The following IL5RA variants were observed in gnomAD, a reference collection of about 807,000 sequenced individuals.
The protein encoded by IL5RA is interleukin 5 receptor subunit alpha, also known as interleukin-5 receptor subunit alpha.
In IL5RA, 49 loss-of-function variants were observed where a neutral mutation model predicts 50.0. The ratio of observed to expected loss-of-function variants is 0.98; its 90% CI spans 0.78 to 1.24. The LOEUF is 1.24. Ranked by LOEUF, IL5RA falls within the 50% of genes most tolerant of loss-of-function variation. The pLI, the probability that IL5RA is intolerant of heterozygous loss-of-function variation, is 0.00. For missense variants in IL5RA, 600 were observed against 500.4 expected (o/e 1.20, Z -1.90); for synonymous variants, 202 against 174.0 (o/e 1.16, Z -1.26).
At chr3:3,087,113 T>C (rs1702897539) in intron 9 of IL5RA, among the ~76,000 whole-genome samples, 1 of 152,264 alleles carries the variant, frequency 6.6e-6, no homozygotes. Context: ...CTATTCAGTA[T>C]GATGTAAACT....
chr3:3,087,552 T>C (rs17879365), intron 9 of IL5RA, among the ~76,000 whole-genome samples: 130 of 152,298 alleles, frequency 8.5e-4, no homozygotes, highest in African/African-American at 2.5e-3. Context: ...GAGAAAATTG[T>C]ATATTAATAG....
intron 2 of IL5RA, among the ~76,000 whole-genome samples, chr3:3,106,043 T>C (rs1239644717): frequency 6.6e-6 from 1 of 152,114 alleles, no homozygotes; most frequent in East Asian, 1.9e-4. Flanking sequence ...TTATACATGA[T>C]GGAAATCCCT....
intron 9 of IL5RA, among the ~76,000 whole-genome samples, chr3:3,079,224 T>G (rs1282950133): frequency 6.6e-6 from 1 of 152,262 alleles, no homozygotes; most frequent in East Asian, 1.9e-4. Flanking sequence ...TTCCTGGTCC[T>G]GCCTGACACT....
intron 9 of IL5RA, among the ~76,000 whole-genome samples, chr3:3,077,457 G>A (rs1407364878): frequency 6.6e-6 from 1 of 152,116 alleles, no homozygotes; most frequent in African/African-American, 2.4e-5. Context: ...TTTCTTTTAA[G>A]TACTAGAAAG....
intron 3 of IL5RA, 32 bp downstream of exon 3, chr3:3,104,870 TA>T (rs772671343): frequency 7.7e-7 from 1 of 1,307,034 alleles, no homozygotes; most frequent in East Asian, 2.3e-5. Context: ...TTTTTAAAAA[TA>T]AACATTATTG....
chr3:3,071,109 G>T (rs566167740), intron 11 of IL5RA, among the ~76,000 whole-genome samples: 1 of 152,248 alleles, frequency 6.6e-6, no homozygotes, highest in East Asian at 1.9e-4. Flanking sequence ...GCCTGTAAGA[G>T]ATCCTATTCC....
At chr3:3,075,920 A>T (rs1702466111) in intron 10 of IL5RA, among the ~76,000 whole-genome samples, 1 of 152,100 alleles carries the variant, frequency 6.6e-6, no homozygotes, top group African/African-American at 2.4e-5. Context: ...TCATTTTCTA[A>T]ATTATGAAAG....
rs1490325517 is a variant in IL5RA at position 3,092,018 on chromosome 3, C to T, written c.994+206G>A. On this transcript the variant is annotated intron_variant, in intron 9 of 11. Transcript: ENST00000446632. This position sits in a 1 kb window ranked among gnomAD's most constrained non-coding sequence, Gnocchi z 4.2. ...GGCACCAGGTCTAGGAGAGTTGGCGCTAATGAGAAGCCTAGACACTTAAAA... is the reference window on the plus strand; with the variant it reads ...GGCACCAGGTCTAGGAGAGTTGGCGTTAATGAGAAGCCTAGACACTTAAAA... The T allele has an allele frequency of 7.8e-7, 1 of 1,285,424 alleles. No homozygotes were observed. Among genetic ancestry groups the T allele is most frequent in the Admixed American group, 3.8e-5 (1 of 26,454 alleles). 79.6% of individuals were successfully genotyped at this position (1,285,424 alleles called of 1,614,324 possible).
chr3:3,098,567 C>G (rs1193918096), intron 5 of IL5RA, among the ~76,000 whole-genome samples: 1 of 152,078 alleles, frequency 6.6e-6, no homozygotes, highest in Non-Finnish European at 1.5e-5. Flanking sequence ...ACCACCACAC[C>G]TGGCTAATTT....
At chr3:3,105,135 C>G in intron 2 of IL5RA, 148 bp from the exon 3 acceptor site, 1 of 583,564 alleles carries the variant, frequency 1.7e-6, no homozygotes, top group Non-Finnish European at 3.2e-6. Flanking sequence ...CAAACATGAC[C>G]AAATGTTGGA....
At chr3:3,080,061 G>A (rs982276593) in intron 9 of IL5RA, among the ~76,000 whole-genome samples, 2 of 152,146 alleles carry the variant, frequency 1.3e-5, no homozygotes, top group South Asian at 2.1e-4. Flanking sequence ...GAAAACAAAA[G>A]TAGTGCCTTT....
chr3:3,092,250 C>G lies in IL5RA; in HGVS notation c.968G>C (p.Ser323Thr), dbSNP rs1262262734. 1 of 1,614,148 alleles carries G rather than the reference C, an allele frequency of 6.2e-7. No individual in the cohort carries two copies. Among genetic ancestry groups the G allele is most frequent in the East Asian group, 2.2e-5 (1 of 44,886 alleles). Residue 323 changes from serine (S) to threonine (T), a missense_variant, in exon 9 of 12, where the codon AGT (serine) becomes ACT (threonine). Physicochemically the swap from Ser to Thr is moderately conservative, Grantham distance 58 (BLOSUM62 1). Coordinates refer to ENST00000446632, the MANE Select transcript of IL5RA (RefSeq NM_175726.4). The surrounding 1 kb of genome is among the most constrained non-coding windows in gnomAD (Gnocchi z 4.2). ...SSMCREAGLW[S>T]EWSQPIYVGN... ...CACATAAATAGGTTGGCTCCACTCACTCCAGAGCCCTGCCTCTCTGCACAT... is the reference window on the plus strand; with the variant it reads ...CACATAAATAGGTTGGCTCCACTCAGTCCAGAGCCCTGCCTCTCTGCACAT...
At chr3:3,108,437 G>A (rs1323327350) in intron 2 of IL5RA, 113 bp downstream of exon 2, 2 of 152,212 alleles carry the variant, frequency 1.3e-5, no homozygotes, top group African/African-American at 4.8e-5. Context: ...GCCACCTTGA[G>A]TATTTGGAAA....
Position 3,070,146 on chromosome 3 carries a change from G to T in IL5RA, c.*79C>A. On this transcript the variant is annotated 3_prime_UTR_variant, in exon 12 of 12. Coordinates refer to ENST00000446632, the MANE Select transcript of IL5RA (RefSeq NM_175726.4). ...TTGCCTAAATTCTGAACACCTCTTA[G>T]CCAAGAGCCAGCATCCCTGTTCTTT... 1 of 917,048 alleles carries T rather than the reference G, an allele frequency of 1.1e-6. No homozygotes were observed. The highest frequency in any genetic ancestry group is 1.8e-6 in the Non-Finnish European group (1 of 568,668). 56.8% of individuals were successfully genotyped at this position (917,048 alleles called of 1,614,324 possible). A position where few individuals can be genotyped will look rare whatever the true frequency, so the allele number is the denominator to read the frequency against.
At chr3:3,104,422 T>C (rs1199161734) in intron 3 of IL5RA, among the ~76,000 whole-genome samples, 3 of 152,230 alleles carry the variant, frequency 2.0e-5, no homozygotes, top group Non-Finnish European at 2.9e-5. Context: ...GGCTACTGCA[T>C]TGGACATTAG....
At chr3:3,072,943 G>T (rs1242214313) in intron 11 of IL5RA, among the ~76,000 whole-genome samples, 3 of 152,050 alleles carry the variant, frequency 2.0e-5, no homozygotes, top group Non-Finnish European at 2.9e-5. Flanking sequence ...GTTACTCAGG[G>T]GTAAGTGTGC....
In IL5RA at chr3:3,068,436, A is replaced by G. The variant is rs1702190685; in HGVS notation, c.*1789T>C. 1.3e-5 allele frequency: 2 copies of G among 151,914 alleles called. No homozygotes were observed. The highest frequency in any genetic ancestry group is 4.8e-5 in the African/African-American group (2 of 41,278). The allele number at this position is 151,914 out of a possible 1,614,324, so 9.4% of individuals were successfully genotyped here. ...AAAAAAATACAAAAAAGAGCTGGGA[A>G]TGGTGTTATGCACCTGTAGTCCCAG... On this transcript the variant is annotated 3_prime_UTR_variant, in exon 12 of 12. Coordinates refer to ENST00000446632, the MANE Select transcript of IL5RA (RefSeq NM_175726.4).
chr3:3,073,270 A>C (rs1175603262), intron 11 of IL5RA, among the ~76,000 whole-genome samples: 1 of 152,186 alleles, frequency 6.6e-6, no homozygotes, highest in East Asian at 1.9e-4. Context: ...CCCTACAACC[A>C]GTCACCAGGT....
chr3:3,109,727 T>C (rs1336825143), intron 1 of IL5RA, among the ~76,000 whole-genome samples: 2 of 152,162 alleles, frequency 1.3e-5, no homozygotes, highest in Non-Finnish European at 2.9e-5. Context: ...CTAATAATAA[T>C]AGAATTATAA....
Sources: allele counts gnomAD v4.1 joint callset (sites outside exome capture counted in the v4.1 genomes callset), GRCh38; gene constraint gnomAD v4.1.1; non-coding constraint Gnocchi (gnomAD v3.1); transcripts MANE v1.5; gene names NCBI Gene and HGNC (gene_info 2026-07-23, HGNC 2026-07-21).